The following RABL2B variants were observed in gnomAD, a reference collection of about 807,000 sequenced individuals.
RABL2B encodes rab-like protein 2B.
A neutral mutation model predicts 26.7 loss-of-function variants in RABL2B; 17 were observed. The observed-to-expected ratio is 0.64, with a 90% CI of 0.44 to 0.95. RABL2B has a LOEUF of 0.95. Among genes scored for constraint, RABL2B ranks in the 40% least tolerant of loss-of-function variants. RABL2B has a pLI of 0.00. For synonymous variants in RABL2B, 70 were observed against 103.9 expected, an observed-to-expected ratio of 0.67 and a Z score of 1.99; for missense variants, 170 against 277.2, an observed-to-expected ratio of 0.61 and a Z score of 2.75.
intron 2 of RABL2B, among the ~76,000 whole-genome samples, chr22:50,778,947 C>T (rs1301160639): frequency 4.7e-5 from 7 of 150,010 alleles, no homozygotes; most frequent in Non-Finnish European, 8.9e-5. Flanking sequence ...AGAAACAGCA[C>T]CCTTACTATA....
intron 2 of RABL2B, chr22:50,780,539 GT>G (rs1298769430): frequency 2.3e-5 from 9 of 398,280 alleles, no homozygotes; most frequent in African/African-American, 1.7e-4. Context: ...AGATTCATAG[GT>G]TAGAGACACT....
chr22:50,771,824 G>C (rs1273223415), intron 5 of RABL2B: 1 of 151,680 alleles, frequency 6.6e-6, no homozygotes, highest in Non-Finnish European at 1.5e-5. Flanking sequence ...TAACGAGGCT[G>C]GTCTTGGACT....
At chr22:50,773,187 C>T (rs550205409) in intron 5 of RABL2B, 1 of 1,251,734 alleles carries the variant, frequency 8.0e-7, no homozygotes, top group Non-Finnish European at 1.0e-6. Context: ...TAGGACCAAG[C>T]TCCTCTGCTC....
At position 50,783,481 on chromosome 22, in the gene RABL2B, C is replaced by T. The variant is rs2086210249; in HGVS notation, c.-54+20G>A. The T allele has an allele frequency of 6.6e-6, 1 of 152,150 alleles. No individual in the cohort carries two copies. Among genetic ancestry groups the T allele is most frequent in the African/African-American group, 2.4e-5 (1 of 41,452 alleles). The allele number at this position is 152,150 out of a possible 1,614,324, so 9.4% of individuals were successfully genotyped here. On this transcript the variant is annotated intron_variant, in intron 1 of 8. Transcript: ENST00000691320. The stretch of plus-strand genomic sequence containing the variant: ...TGTCCCCGCGTGCTAAGCCAGCCAC[C>T]GGGGCGGATTTGCCCTCACGTGCGG...
At chr22:50,770,906 T>A (rs1230344501) in intron 5 of RABL2B, among the ~76,000 whole-genome samples, 6 of 139,024 alleles carry the variant, frequency 4.3e-5, no homozygotes, top group South Asian at 4.3e-4. Flanking sequence ...TTTTTATTTT[T>A]TTATTTTTTT....
At chr22:50,781,280 C>G (rs2085805428) in intron 2 of RABL2B, among the ~76,000 whole-genome samples, 1 of 148,352 alleles carries the variant, frequency 6.7e-6, no homozygotes, top group African/African-American at 2.5e-5. Context: ...GGAGGCGGAG[C>G]TTGCAGTGAG....
chr22:50,776,458 C>T (rs1451857596), intron 4 of RABL2B, among the ~76,000 whole-genome samples: 3 of 152,200 alleles, frequency 2.0e-5, no homozygotes, highest in African/African-American at 2.4e-5. Context: ...CTGGCCTGGA[C>T]GCCAGGTCAG....
chr22:50,772,868 T>G (rs1555919927), intron 5 of RABL2B: 3 of 1,192,142 alleles, frequency 2.5e-6, no homozygotes, highest in Non-Finnish European at 3.2e-6. Context: ...CTGGCTAGAA[T>G]GAGGAGCATC....
At chr22:50,779,595 G>A (rs1555926991) in intron 2 of RABL2B, among the ~76,000 whole-genome samples, 2 of 151,982 alleles carry the variant, frequency 1.3e-5, no homozygotes, top group African/African-American at 2.4e-5. Context: ...AATCATTAAC[G>A]GGAATGGAAG....
intron 5 of RABL2B, among the ~76,000 whole-genome samples, chr22:50,773,303 A>C (rs1387543399): frequency 1.3e-5 from 2 of 152,164 alleles, no homozygotes; most frequent in Non-Finnish European, 2.9e-5. Context: ...GGAATTTTTC[A>C]AGGGATTTTG....
chr22:50,770,665 G>C (rs1251978660), intron 5 of RABL2B, among the ~76,000 whole-genome samples: 1 of 151,766 alleles, frequency 6.6e-6, no homozygotes, highest in African/African-American at 2.4e-5. Context: ...TAGTCCTCTT[G>C]TATTTATTGC....
Position 50,783,576 on chromosome 22 carries a change from C to T in RABL2B, c.-129G>A, listed in dbSNP as rs1189024957. The T allele has an allele frequency of 5.2e-5, 8 of 152,598 alleles. No individual in the cohort carries two copies. Among genetic ancestry groups the T allele is most frequent in the African/African-American group, 9.6e-5 (4 of 41,488 alleles). 9.5% of individuals were successfully genotyped at this position (152,598 alleles called of 1,614,324 possible). On this transcript the variant is annotated 5_prime_UTR_variant, in exon 1 of 9. Coordinates refer to ENST00000691320, the MANE Select transcript of RABL2B (RefSeq NM_001130919.3). ...CCTCGGGCCCTGCCGCCAGTCTGGA[C>T]TCTGCGCGCTCTCGAACCACGCCCG...
At chr22:50,771,817 C>T (rs1218894295) in intron 5 of RABL2B, 1 of 151,814 alleles carries the variant, frequency 6.6e-6, no homozygotes, top group Non-Finnish European at 1.5e-5. Flanking sequence ...ATTATATTAA[C>T]GAGGCTGGTC....
chr22:50,774,164 G>A (rs1555921448), intron 5 of RABL2B, among the ~76,000 whole-genome samples: 1 of 152,188 alleles, frequency 6.6e-6, no homozygotes, highest in African/African-American at 2.4e-5. Context: ...CAAAGTGCTG[G>A]GATTACAGGC....
chr22:50,767,829 T>C lies in RABL2B; in HGVS notation c.*947A>G, dbSNP rs1555914649. On this transcript the variant is annotated 3_prime_UTR_variant, in exon 9 of 9. Transcript: ENST00000691320. ...AGGACTCGATTTTACGGCTTGTGTATTCCTAACTATAGCTAGGCCTGTCAC... is the reference window on the plus strand; with the variant it reads ...AGGACTCGATTTTACGGCTTGTGTACTCCTAACTATAGCTAGGCCTGTCAC... 1 of 442,650 alleles carries C rather than the reference T, an allele frequency of 2.3e-6. No individual in the cohort carries two copies. Among genetic ancestry groups the C allele is most frequent in the African/African-American group, 2.0e-5 (1 of 49,220 alleles). The allele number at this position is 442,650 out of a possible 1,614,324, so 27.4% of individuals were successfully genotyped here. A position where few individuals can be genotyped will look rare whatever the true frequency, so the allele number is the denominator to read the frequency against.
intron 5 of RABL2B, among the ~76,000 whole-genome samples, chr22:50,775,296 G>A (rs1338033571): frequency 1.3e-5 from 2 of 152,128 alleles, no homozygotes; most frequent in Non-Finnish European, 2.9e-5. Context: ...GGAGCCGTGA[G>A]GACTGCGTCC....
In RABL2B at chr22:50,775,823, C is replaced by A; in HGVS notation, c.246G>T (p.Arg82=). The change falls in exon 5 of 9, where the codon CGG becomes CGT. Residue 82 remains arginine, a synonymous_variant. Transcript: ENST00000691320. The part of the protein sequence containing the change: ...VDFWDTAGQE[R]FQSMHASYYH... ...AGTAGGAGGCATGCATGCTCTGGAA[C>A]CGCTCCTGGCCTGCCGTGTCCCAAA... The A allele has an allele frequency of 6.2e-7, 1 of 1,614,194 alleles. No homozygotes were observed.
chr22:50,769,615 G>A, intron 6 of RABL2B, 63 bp from the exon 7 acceptor site: 2 of 1,609,548 alleles, frequency 1.2e-6, no homozygotes, highest in Non-Finnish European at 1.7e-6. Flanking sequence ...TTTGGAGGGG[G>A]GGGCCACTGG....
At chr22:50,775,328 C>T (rs1252885072) in intron 5 of RABL2B, among the ~76,000 whole-genome samples, 5 of 152,020 alleles carry the variant, frequency 3.3e-5, no homozygotes, top group African/African-American at 9.7e-5. Flanking sequence ...ATGGGAGGCT[C>T]GGGGGGAGGC....
Sources: gnomAD v4.1 joint callset for allele counts (sites outside exome capture counted in the v4.1 genomes callset) on GRCh38, gnomAD v4.1.1 for gene constraint, MANE v1.5 for transcripts, NCBI Gene and HGNC (gene_info 2026-07-23, HGNC 2026-07-21) for gene names.